Variants in F11R observed in about 807,000 individuals in gnomAD.
F11R encodes the protein F11 receptor, also known as junctional adhesion molecule A.
Under a neutral mutation model 39.3 loss-of-function variants are expected in F11R, and 27 were observed. The ratio of observed to expected loss-of-function variants is 0.69; its 90% CI spans 0.51 to 0.95. The LOEUF is 0.95. F11R is among the 40% of genes least tolerant of loss of function. The probability of loss-of-function intolerance (pLI) is 0.00; values close to 1 mark genes in which losing one functional copy is unlikely to be tolerated. For missense variants in F11R, 335 were observed against 372.7 expected, an observed-to-expected ratio of 0.90 and a Z score of 0.83; for synonymous variants, 131 against 144.9, an observed-to-expected ratio of 0.90 and a Z score of 0.69.
intron 1 of F11R, among the ~76,000 whole-genome samples, chr1:161,005,926 G>A (rs1229174755): frequency 1.3e-5 from 2 of 151,946 alleles, no homozygotes; most frequent in East Asian, 1.9e-4. Flanking sequence ...GTCACCTGAG[G>A]TCAGGAGTTT....
At chr1:161,006,139 A>G (rs1316844651) in intron 1 of F11R, among the ~76,000 whole-genome samples, 1 of 148,926 alleles carries the variant, frequency 6.7e-6, no homozygotes, top group Non-Finnish European at 1.5e-5. Context: ...CTCCATCTCA[A>G]AAAAAAAAGG....
At chr1:161,008,884 AG>A (rs1410461464) in intron 1 of F11R, among the ~76,000 whole-genome samples, 12 of 152,282 alleles carry the variant, frequency 7.9e-5, no homozygotes, top group African/African-American at 2.9e-4. Flanking sequence ...TTTTTCTGCA[AG>A]CTAAGAAAGT....
Position 160,998,808 on chromosome 1 carries a change from G to C in F11R, c.*63C>G, listed in dbSNP as rs1648279934. The C allele has an allele frequency of 2.6e-6, 4 of 1,524,474 alleles. No homozygotes were observed. The highest frequency in any genetic ancestry group is 3.6e-6 in the Non-Finnish European group (4 of 1,098,466). 94.4% of individuals were successfully genotyped at this position (1,524,474 alleles called of 1,614,324 possible). A position where few individuals can be genotyped will look rare whatever the true frequency, so the allele number is the denominator to read the frequency against. On this transcript the variant is annotated 3_prime_UTR_variant, in exon 10 of 10. Transcript: ENST00000368026. ...ATCCTGTGAAACTACAGACATCAGG[G>C]GCCAGAGTCCGGTAGCACCTGAGTA...
rs1161747485 is a variant in F11R, at chr1:160,996,043, A to G, written c.*2828T>C. 2 of 152,310 alleles carry G rather than the reference A, an allele frequency of 1.3e-5. No homozygotes were observed. Among genetic ancestry groups the G allele is most frequent in the Non-Finnish European group, 2.9e-5 (2 of 68,030 alleles). The allele number at this position is 152,310 out of a possible 1,614,324, so 9.4% of individuals were successfully genotyped here. On this transcript the variant is annotated 3_prime_UTR_variant, in exon 10 of 10. Coordinates refer to ENST00000368026, the MANE Select transcript of F11R (RefSeq NM_016946.6). Reference sequence around the variant, plus strand: ...GTTATTTGCATTTAAACACAGGCCAATGAAAAAAGCTAAATTAAAACGTAA... The same window carrying G: ...GTTATTTGCATTTAAACACAGGCCAGTGAAAAAAGCTAAATTAAAACGTAA...
At chr1:161,014,913 C>CAA (rs374593671) in intron 1 of F11R, among the ~76,000 whole-genome samples, 32,689 of 134,506 alleles carry the variant, frequency 0.24, 4,775 homozygotes, top group Non-Finnish European at 0.34. Flanking sequence ...ACTAAAAATA[C>CAA]AAAAAAAAAA....
chr1:161,019,086 T>C (rs1649607746), intron 1 of F11R, among the ~76,000 whole-genome samples: 1 of 152,062 alleles, frequency 6.6e-6, no homozygotes, highest in South Asian at 2.1e-4. Context: ...ACAAACACTG[T>C]TACAAATACA....
intron 1 of F11R, among the ~76,000 whole-genome samples, chr1:161,002,941 ACTCT>A (rs1176733719): frequency 7.1e-6 from 1 of 141,424 alleles, no homozygotes; most frequent in Non-Finnish European, 1.5e-5. Context: ...CTCTTATTAT[ACTCT>A]CTATTTATTT....
At position 160,999,076 on chromosome 1, in the gene F11R, C is replaced by G. The variant is rs1308910818; in HGVS notation, c.831G>C (p.Lys277Asn). ...DRTKKGTSSK[K>N]VIYSQPSARS... ...GGGCACTAGGCTGGCTGTAAATCAC[C>G]TTCTTACTCGAAGTCCTGTGAACAA... Residue 277 changes from lysine (K) to asparagine (N), a missense_variant, in exon 9 of 10, where the codon AAG becomes AAC. Physicochemically the swap from Lys to Asn is moderately conservative, Grantham distance 94. Transcript: ENST00000368026. 6.2e-7 allele frequency: 1 copy of G among 1,614,122 alleles called. No individual in the cohort carries two copies. The highest frequency in any genetic ancestry group is 2.2e-5 in the East Asian group (1 of 44,902).
At chr1:161,005,328 C>T (rs1288811987) in intron 1 of F11R, among the ~76,000 whole-genome samples, 2 of 151,474 alleles carry the variant, frequency 1.3e-5, no homozygotes, top group Admixed American at 6.6e-5. Context: ...CTCCTCCCTC[C>T]TTTCTCACTC....
chr1:161,007,818 CCCT>C (rs956515044), intron 1 of F11R, among the ~76,000 whole-genome samples: 1 of 152,118 alleles, frequency 6.6e-6, no homozygotes, highest in Admixed American at 6.6e-5. Flanking sequence ...ACCATATCTC[CCCT>C]GTCATTGCAG....
chr1:161,019,132 A>G (rs1270339253), intron 1 of F11R, among the ~76,000 whole-genome samples: 2 of 152,156 alleles, frequency 1.3e-5, no homozygotes, highest in African/African-American at 4.8e-5. Flanking sequence ...GGCTTAGGGG[A>G]AAAATACTGG....
At chr1:161,000,122 C>A (rs752186212) in intron 5 of F11R, 24 bp downstream of exon 5, 33 of 1,613,594 alleles carry the variant, frequency 2.0e-5, no homozygotes, top group Non-Finnish European at 2.6e-5. Flanking sequence ...CCCCACACAT[C>A]TTTCACCACC....
At chr1:160,998,943 C>G (rs779119815) in intron 9 of F11R, 37 bp from the exon 10 acceptor site, 1 of 1,613,830 alleles carries the variant, frequency 6.2e-7, no homozygotes, top group Non-Finnish European at 8.5e-7. Context: ...TCTCAATAGT[C>G]TTCTTTAGCT....
intron 1 of F11R, among the ~76,000 whole-genome samples, chr1:161,011,638 G>C (rs1046372080): frequency 6.6e-6 from 1 of 151,748 alleles, no homozygotes; most frequent in Non-Finnish European, 1.5e-5. Flanking sequence ...GGCTGAGGCA[G>C]AGAATTGCTG....
At chr1:161,016,960 C>T (rs1021400083) in intron 1 of F11R, among the ~76,000 whole-genome samples, 3 of 152,214 alleles carry the variant, frequency 2.0e-5, no homozygotes, top group Admixed American at 6.5e-5. Context: ...TAATCTATGG[C>T]CTTACCCCCA....
chr1:161,001,390 G>A (rs749933044), intron 1 of F11R, 37 bp from the exon 2 acceptor site: 1 of 1,579,012 alleles, frequency 6.3e-7, no homozygotes. Context: ...TGTCAGGAGT[G>A]GACAGAGAAA....
At chr1:161,020,523 G>A (rs973356078) in intron 1 of F11R, among the ~76,000 whole-genome samples, 14 of 152,236 alleles carry the variant, frequency 9.2e-5, no homozygotes, top group African/African-American at 2.9e-4. Context: ...GCAAAAGCTA[G>A]GGGAAGAGAC....
At chr1:161,005,022 G>A (rs1648723469) in intron 1 of F11R, among the ~76,000 whole-genome samples, 1 of 151,568 alleles carries the variant, frequency 6.6e-6, no homozygotes, top group South Asian at 2.1e-4. Context: ...CCAGCCAGGG[G>A]TGGTGGCACT....
At chr1:161,018,127 A>G (rs1649564141) in intron 1 of F11R, among the ~76,000 whole-genome samples, 1 of 152,174 alleles carries the variant, frequency 6.6e-6, no homozygotes, top group African/African-American at 2.4e-5. Context: ...TTCCCTAGGG[A>G]AAGGGAGGCT....
Sources: gnomAD v4.1 joint callset for allele counts (sites outside exome capture counted in the v4.1 genomes callset) on GRCh38, gnomAD v4.1.1 for gene constraint, MANE v1.5 for transcripts, NCBI Gene and HGNC (gene_info 2026-07-23, HGNC 2026-07-21) for gene names.